NRG1: variants seen among roughly 807,000 people sequenced by gnomAD.
NRG1 encodes the protein neuregulin 1, also known as pro-neuregulin-1, membrane-bound isoform.
In NRG1, 18 loss-of-function variants were observed where a neutral mutation model predicts 63.8. The ratio of observed to expected loss-of-function variants is 0.28; its 90% confidence interval spans 0.19 to 0.42. The LOEUF is 0.42. Among genes scored for constraint, NRG1 ranks in the 10% least tolerant of loss-of-function variants. NRG1 has a pLI of 1.00. For synonymous variants in NRG1, 302 were observed against 301.3 expected (o/e 1.00, Z -0.02); for missense variants, 762 against 814.7 (o/e 0.94, Z 0.79).
At chr8:32,546,854 T>C (rs1170307268), upstream of NRG1, among the ~76,000 whole-genome samples, 2 of 152,206 alleles carry the variant, frequency 1.3e-5, no homozygotes, top group African/African-American at 2.4e-5. Flanking sequence ...GTGAACATAT[T>C]TCCCTCCCTC....
chr8:31,752,841 A>T (rs950124287), intron 1 of NRG1, among the ~76,000 whole-genome samples: 7 of 152,048 alleles, frequency 4.6e-5, no homozygotes, highest in Non-Finnish European at 7.4e-5. Flanking sequence ...AAATGAAGTA[A>T]TGTCTGTAAA....
chr8:31,808,333 A>G (rs1822499032), intron 1 of NRG1, among the ~76,000 whole-genome samples: 1 of 152,012 alleles, frequency 6.6e-6, no homozygotes, highest in African/African-American at 2.4e-5. Flanking sequence ...TTCATCTTGT[A>G]TATTTTGGCT....
intron 1 of NRG1, among the ~76,000 whole-genome samples, chr8:31,780,192 A>T (rs1819545173): frequency 6.6e-6 from 1 of 152,230 alleles, no homozygotes; most frequent in Non-Finnish European, 1.5e-5. Context: ...GGCTTATGAT[A>T]GCTCTGCCAC....
In NRG1 at chr8:32,650,330, A is replaced by G. The variant is rs566151860; in HGVS notation, c.502+33445A>G. Among the ~76,000 whole-genome samples, 5 of 152,278 alleles carry G rather than the reference A, an allele frequency of 3.3e-5. No individual in the cohort carries two copies. The East Asian group carries it at 9.7e-4, about 29-fold the overall frequency. The stretch of plus-strand genomic sequence containing the variant: ...CAGTTTGACCAGATGCACAGCTGCA[A>G]CGTTTTGAAGTGCATCGGAGATAAG... On this transcript the variant is annotated intron_variant, in intron 5 of 11. Transcript: ENST00000356819.
chr8:31,987,316 A>ATG (rs1209956734), intron 1 of NRG1, among the ~76,000 whole-genome samples: 2 of 95,822 alleles, frequency 2.1e-5, no homozygotes, highest in Non-Finnish European at 3.8e-5. Flanking sequence ...AAAAAAACAT[A>ATG]TATATGTGTG....
chr8:32,729,646 C>A (rs1049878165), intron 6 of NRG1, among the ~76,000 whole-genome samples: 2 of 152,130 alleles, frequency 1.3e-5, no homozygotes, highest in African/African-American at 2.4e-5. Flanking sequence ...GTCAACAAAG[C>A]CATGTCCCTT....
intron 1 of NRG1, among the ~76,000 whole-genome samples, chr8:32,479,852 G>T (rs1001776976): frequency 6.6e-6 from 1 of 152,028 alleles, no homozygotes; most frequent in African/African-American, 2.4e-5. Context: ...GTTTCACCAG[G>T]TTGGCCAGGA....
In NRG1 at chr8:31,640,320, C is replaced by T. The variant is rs1242182997; in HGVS notation, c.37+889C>T. On this transcript the variant is annotated intron_variant, in intron 1 of 10. Transcript: ENST00000519301. The surrounding 1 kb of genome is among the most constrained non-coding windows in gnomAD (Gnocchi z 6.3). ...CGGCGGGCGAGGCAGGGGCGTGGGGCGGCGATCGCGAGCCGCCAGCCGCGG... is the reference window on the plus strand; with the variant it reads ...CGGCGGGCGAGGCAGGGGCGTGGGGTGGCGATCGCGAGCCGCCAGCCGCGG... 3 of 1,160,560 alleles carry T rather than the reference C, an allele frequency of 2.6e-6. No individual in the cohort carries two copies. The highest frequency in any genetic ancestry group is 3.2e-6 in the Non-Finnish European group (3 of 943,504). The allele number at this position is 1,160,560 out of a possible 1,614,324, so 71.9% of individuals were successfully genotyped here.
intron 1 of NRG1, among the ~76,000 whole-genome samples, chr8:31,805,785 G>A (rs1253609329): frequency 2.9e-5 from 4 of 136,478 alleles, no homozygotes; most frequent in Admixed American, 8.3e-5. Context: ...CCGAGATTGC[G>A]CCAGGGCACT....
intron 1 of NRG1, among the ~76,000 whole-genome samples, chr8:31,963,220 T>C (rs182260334): frequency 6.6e-6 from 1 of 152,364 alleles, no homozygotes; most frequent in African/African-American, 2.4e-5. Context: ...ATAGGGCTAA[T>C]TAGCAGACAT....
At chr8:32,145,656 C>T (rs1836792900) in intron 1 of NRG1, among the ~76,000 whole-genome samples, 1 of 152,194 alleles carries the variant, frequency 6.6e-6, no homozygotes, top group African/African-American at 2.4e-5. Flanking sequence ...CGTAAAGTTA[C>T]TGCAATGGGC....
intron 1 of NRG1, among the ~76,000 whole-genome samples, chr8:31,915,588 A>G (rs749770070): frequency 6.6e-6 from 1 of 152,124 alleles, no homozygotes. Flanking sequence ...TTTAATTTGG[A>G]TATTTCCCAA....
chr8:32,417,635 T>C (rs969008144), intron 1 of NRG1, among the ~76,000 whole-genome samples: 2 of 151,410 alleles, frequency 1.3e-5, no homozygotes, highest in East Asian at 2.0e-4. Flanking sequence ...CTCCATTTGA[T>C]ATAGAGTCAT....
chr8:31,774,951 T>C (rs555699641), intron 1 of NRG1, among the ~76,000 whole-genome samples: 24 of 152,092 alleles, frequency 1.6e-4, no homozygotes, highest in Non-Finnish European at 3.1e-4. Flanking sequence ...CAGATGTTGA[T>C]GAGGATGCAG....
intron 5 of NRG1, among the ~76,000 whole-genome samples, chr8:32,708,810 G>A (rs1301599206): frequency 2.0e-5 from 3 of 152,090 alleles, no homozygotes; most frequent in African/African-American, 7.2e-5. Context: ...GAGGGTTCCT[G>A]CTCTATTGCT....
At chr8:32,310,170 C>T (rs1216826646) in intron 1 of NRG1, among the ~76,000 whole-genome samples, 2 of 152,166 alleles carry the variant, frequency 1.3e-5, no homozygotes, top group African/African-American at 4.8e-5. Context: ...TGCCCTCAAA[C>T]AAGGCAAACA....
intron 1 of NRG1, among the ~76,000 whole-genome samples, chr8:32,321,661 C>T (rs919547909): frequency 6.6e-6 from 1 of 151,898 alleles, no homozygotes; most frequent in African/African-American, 2.4e-5. Context: ...CCTCAAAGCA[C>T]TTTACAAACT....
intron 5 of NRG1, among the ~76,000 whole-genome samples, chr8:32,726,031 GT>G (rs967089690): frequency 6.6e-6 from 1 of 151,854 alleles, no homozygotes; most frequent in African/African-American, 2.4e-5. Context: ...TATTCCTTTT[GT>G]TTAGTTTGTT....
intron 1 of NRG1, among the ~76,000 whole-genome samples, chr8:31,789,178 G>A (rs1378497876): frequency 6.6e-6 from 1 of 152,200 alleles, no homozygotes; most frequent in Admixed American, 6.5e-5. Flanking sequence ...GGTTCAGAGA[G>A]ATTAGCTTTA....
Sources: gnomAD v4.1 joint callset for allele counts (sites outside exome capture counted in the v4.1 genomes callset) on GRCh38, gnomAD v4.1.1 for gene constraint, Gnocchi (gnomAD v3.1) non-coding constraint, MANE v1.5 for transcripts, NCBI Gene and HGNC (gene_info 2026-07-23, HGNC 2026-07-21) for gene names.